The following DYSF variants were observed in gnomAD, a reference collection of about 807,000 sequenced individuals.
DYSF encodes the protein dysferlin, also known as dystrophy-associated fer-1-like 1.
In DYSF, 212 loss-of-function variants were observed where a neutral mutation model predicts 274.9. The ratio of observed to expected loss-of-function variants is 0.77; its 90% CI spans 0.69 to 0.86. DYSF has a LOEUF of 0.86. Among genes scored for constraint, DYSF ranks in the 40% least tolerant of loss-of-function variants. The pLI, the probability that DYSF is intolerant of heterozygous loss-of-function variation, is 0.00. For missense variants in DYSF, 2,666 were observed against 2,783.2 expected, an observed-to-expected ratio of 0.96 and a Z score of 0.95; for synonymous variants, 1,091 against 1,078.7, an observed-to-expected ratio of 1.01 and a Z score of -0.22.
chr2:71,496,391 G>A (rs892662512), intron 3 of DYSF, among the ~76,000 whole-genome samples: 1 of 152,122 alleles, frequency 6.6e-6, no homozygotes. Flanking sequence ...CAATCAGGAG[G>A]CAGAGAGAGC....
rs1378250569 is a variant in DYSF at position 71,667,494 on chromosome 2, C to T, written c.5436C>T (p.Pro1812=). 1.2e-6 allele frequency: 2 copies of T among 1,614,164 alleles called. No individual in the cohort carries two copies. The highest frequency in any genetic ancestry group is 8.5e-7 in the Non-Finnish European group (1 of 1,180,020). ...TGGAGTCACGGCCCCTCTACAGCCC[C>T]CTGCAGCCAGACATCGAGCAGGTAG... ...EHVESRPLYS[P]LQPDIEQGKL... Residue 1812 remains proline, a synonymous_variant, in exon 48 of 56, where the codon CCC becomes CCT. Transcript: ENST00000410020.
At chr2:71,490,592 G>T (rs2083766428) in intron 3 of DYSF, among the ~76,000 whole-genome samples, 1 of 152,228 alleles carries the variant, frequency 6.6e-6, no homozygotes, top group African/African-American at 2.4e-5. Flanking sequence ...CTTCCAAAGT[G>T]TTGGGATTAC....
intron 24 of DYSF, among the ~76,000 whole-genome samples, chr2:71,565,500 C>T (rs1448126443): frequency 7.2e-5 from 11 of 152,274 alleles, no homozygotes; most frequent in African/African-American, 2.2e-4. Flanking sequence ...AGCCCCTCCA[C>T]GCTGGACCTT....
At chr2:71,566,737 G>A (rs113064128) in intron 24 of DYSF, among the ~76,000 whole-genome samples, 1 of 152,168 alleles carries the variant, frequency 6.6e-6, no homozygotes, top group Non-Finnish European at 1.5e-5. Context: ...GAGGACAGCC[G>A]AAGCGAACAG....
intron 14 of DYSF, among the ~76,000 whole-genome samples, chr2:71,530,513 G>A (rs987219914): frequency 6.6e-6 from 1 of 152,164 alleles, no homozygotes; most frequent in Non-Finnish European, 1.5e-5. Context: ...AGGGGGAGGT[G>A]AAAGGACAAA....
chr2:71,516,481 C>T (rs759190437), intron 9 of DYSF, among the ~76,000 whole-genome samples: 2 of 152,228 alleles, frequency 1.3e-5, no homozygotes, highest in Admixed American at 6.5e-5. Flanking sequence ...ACAGAAATGC[C>T]TGCAACAGCT....
chr2:71,488,474 C>T (rs917792778), intron 3 of DYSF, among the ~76,000 whole-genome samples: 5 of 152,136 alleles, frequency 3.3e-5, no homozygotes, highest in African/African-American at 4.8e-5. Flanking sequence ...CAGGCCTAAC[C>T]GGTCCCCAAG....
upstream of DYSF, among the ~76,000 whole-genome samples, chr2:71,463,890 C>G (rs1436753132): frequency 2.0e-5 from 3 of 152,064 alleles, no homozygotes; most frequent in African/African-American, 7.2e-5. Flanking sequence ...TCAGGTTCTG[C>G]TAGAAGGGAA....
intron 42 of DYSF, among the ~76,000 whole-genome samples, chr2:71,653,707 G>A (rs1034037435): frequency 1.3e-5 from 2 of 151,612 alleles, no homozygotes; most frequent in African/African-American, 4.9e-5. Context: ...TACACCTAAT[G>A]TTAAATGAAG....
intron 36 of DYSF, 31 bp from the exon 37 acceptor site, chr2:71,611,214 T>G: frequency 2.0e-6 from 3 of 1,534,658 alleles, no homozygotes; most frequent in Non-Finnish European, 2.7e-6. Context: ...CCTTCCACCT[T>G]TGTCTCCATT....
chr2:71,647,746 T>C (rs563859467), intron 42 of DYSF, among the ~76,000 whole-genome samples: 182 of 152,348 alleles, frequency 1.2e-3, no homozygotes, highest in Non-Finnish European at 1.9e-3. Context: ...ATGTTGATAA[T>C]TATTTAGGAC....
intron 43 of DYSF, among the ~76,000 whole-genome samples, chr2:71,657,662 A>G (rs1317269358): frequency 6.6e-6 from 1 of 152,208 alleles, no homozygotes; most frequent in African/African-American, 2.4e-5. Context: ...CACAGGCTCA[A>G]TACCACGTGG....
chr2:71,568,140 C>A, intron 25 of DYSF, 32 bp from the exon 26 acceptor site: 1 of 1,614,240 alleles, frequency 6.2e-7, no homozygotes, highest in Non-Finnish European at 8.5e-7. Context: ...CCTTGGCCCC[C>A]TGCTCACGCC....
rs1476505138 is a variant in DYSF, at chr2:71,665,175, C to T, written c.5188C>T (p.Gln1730Ter). Residue 1730 changes from glutamine (Q) to a stop codon, truncating the protein, a stop_gained, in exon 47 of 56, where the codon CAG (glutamine) becomes TAG (stop). Transcript: ENST00000410020. LOFTEE classifies it high-confidence loss of function. Reference protein sequence around the residue: ...PQTYCVSGPNQWRDQLRPSQL... With the variant: ...PQTYCVSGPN ...CTTGCTCCTCAGCTCTGGACCGAAC[C>T]AGTGGCGGGACCAGCTCCGCCCCTC... 1.2e-6 allele frequency: 2 copies of T among 1,613,654 alleles called. No homozygotes were observed. Among genetic ancestry groups the T allele is most frequent in the African/African-American group, 2.7e-5 (2 of 74,902 alleles).
chr2:71,625,537 C>T lies in DYSF; in HGVS notation c.4527+4928C>T, dbSNP rs536517440. 6.6e-5 allele frequency among the ~76,000 whole-genome samples: 10 copies of T among 152,106 alleles called. No homozygotes were observed. The South Asian group carries it at 1.9e-3, about 28-fold the overall frequency. ...CTGTTCCATTGGTCTGTTTGTCTTT[C>T]TCTGGGCTATTTTAGTATCTTATTT... On this transcript the variant is annotated intron_variant, in intron 41 of 55. Coordinates refer to ENST00000410020, the MANE Select transcript of DYSF (RefSeq NM_001130987.2).
At position 71,681,106 on chromosome 2, in the gene DYSF, C is replaced by T; in HGVS notation, c.6169C>T (p.Pro2057Ser). The change falls in exon 54 of 56, where the codon CCA becomes TCA. Residue 2057 changes from proline (P) to serine (S), a missense_variant. Around this residue, in one of 3 missense-constraint regions of DYSF, gnomAD observed 1,460 missense variants for 1,502.1 expected, o/e 0.97. Coordinates refer to ENST00000410020, the MANE Select transcript of DYSF (RefSeq NM_001130987.2). The stretch of plus-strand genomic sequence containing the variant: ...CAACATGAACCCTAAGCTTGAGGAC[C>T]CAAGGTCAGTGCCCAGCCCCTGAGC... ...EPNMNPKLED[P>S]RRPDTSFLWF... 6.2e-7 allele frequency: 1 copy of T among 1,613,914 alleles called. No homozygotes were observed. Among genetic ancestry groups the T allele is most frequent in the East Asian group, 2.2e-5 (1 of 44,882 alleles).
intron 3 of DYSF, among the ~76,000 whole-genome samples, chr2:71,483,132 A>G (rs1256064242): frequency 6.6e-6 from 1 of 152,158 alleles, no homozygotes; most frequent in East Asian, 1.9e-4. Context: ...CCATGGGTGC[A>G]TGGTGTGGGG....
intron 1 of DYSF, among the ~76,000 whole-genome samples, chr2:71,479,826 A>AT (rs1441656801): frequency 6.6e-6 from 1 of 152,234 alleles, no homozygotes; most frequent in African/African-American, 2.4e-5. Context: ...TCCCAGCCAC[A>AT]TAGAGCTTCC....
intron 4 of DYSF, among the ~76,000 whole-genome samples, chr2:71,505,853 C>T (rs754462017): frequency 6.6e-6 from 1 of 152,228 alleles, no homozygotes; most frequent in Non-Finnish European, 1.5e-5. Flanking sequence ...CAAAGGAGGA[C>T]AAGAGCCTAC....
Sources: allele counts gnomAD v4.1 joint callset (sites outside exome capture counted in the v4.1 genomes callset), GRCh38; gene constraint gnomAD v4.1.1; regional missense constraint gnomAD v4.1.1; transcripts MANE v1.5; gene names NCBI Gene and HGNC (gene_info 2026-07-23, HGNC 2026-07-21).